The following PDGFRL variants were observed in gnomAD, a reference collection of about 807,000 sequenced individuals.
The protein encoded by PDGFRL is platelet derived growth factor receptor like.
Under a neutral mutation model 37.2 loss-of-function variants are expected in PDGFRL, and 46 were observed. The observed-to-expected ratio is 1.24, with a 90% CI of 0.98 to 1.58. The LOEUF is 1.58. PDGFRL is among the 40% of genes most tolerant of loss of function. PDGFRL has a pLI of 0.00. For synonymous variants in PDGFRL, 251 were observed against 184.3 expected, an observed-to-expected ratio of 1.36 and a Z score of -2.93; for missense variants, 692 against 467.6, an observed-to-expected ratio of 1.48 and a Z score of -4.43.
chr8:17,630,601 C>G (rs1455124744), intron 4 of PDGFRL, among the ~76,000 whole-genome samples: 2 of 152,206 alleles, frequency 1.3e-5, no homozygotes, highest in African/African-American at 4.8e-5. Context: ...AGTGCAGCAG[C>G]TCTGAGTCGG....
chr8:17,603,553 G>A (rs1023456499), intron 2 of PDGFRL, among the ~76,000 whole-genome samples: 2 of 152,158 alleles, frequency 1.3e-5, no homozygotes, highest in Non-Finnish European at 2.9e-5. Context: ...AATAGCAAAG[G>A]TACTGTTTCT....
At chr8:17,581,034 C>G (rs934428729) in intron 1 of PDGFRL, among the ~76,000 whole-genome samples, 1 of 152,072 alleles carries the variant, frequency 6.6e-6, no homozygotes, top group African/African-American at 2.4e-5. Context: ...CTCATGCTAA[C>G]TTGATTACAT....
chr8:17,596,637 G>A (rs1385932929), intron 2 of PDGFRL, among the ~76,000 whole-genome samples: 1 of 152,190 alleles, frequency 6.6e-6, no homozygotes, highest in African/African-American at 2.4e-5. Flanking sequence ...AATCTGAAGA[G>A]AAATATTCAG....
chr8:17,596,760 G>GA (rs3216300), intron 2 of PDGFRL, among the ~76,000 whole-genome samples: 21,977 of 152,118 alleles, frequency 0.14, 4,252 homozygotes, highest in African/African-American at 0.43. Flanking sequence ...GAAACATTGT[G>GA]AAAAAATGTG....
chr8:17,629,423 G>A (rs1563527945), intron 4 of PDGFRL, among the ~76,000 whole-genome samples: 1 of 152,000 alleles, frequency 6.6e-6, no homozygotes, highest in Non-Finnish European at 1.5e-5. Flanking sequence ...CATCCTCCCA[G>A]CCTCTTGGTC....
intron 5 of PDGFRL, among the ~76,000 whole-genome samples, chr8:17,641,366 G>C (rs946727457): frequency 1.3e-5 from 2 of 152,186 alleles, no homozygotes; most frequent in African/African-American, 4.8e-5. Context: ...TCTCCCTGTG[G>C]TCTTTTCCCA....
At chr8:17,637,337 G>A (rs1394834658) in intron 5 of PDGFRL, among the ~76,000 whole-genome samples, 3 of 152,132 alleles carry the variant, frequency 2.0e-5, no homozygotes, top group African/African-American at 7.2e-5. Context: ...CTGTTGAGAT[G>A]ATCATGTGAT....
chr8:17,587,628 C>T (rs1310537770), intron 1 of PDGFRL, among the ~76,000 whole-genome samples: 2 of 151,972 alleles, frequency 1.3e-5, no homozygotes, highest in Admixed American at 6.6e-5. Context: ...ATCATAAACT[C>T]GGACTTGTGG....
intron 2 of PDGFRL, 69 bp from the exon 3 acceptor site, chr8:17,620,977 GGAGCC>G: frequency 9.0e-7 from 1 of 1,108,462 alleles, no homozygotes; most frequent in Non-Finnish European, 1.3e-6. Context: ...AGAGAACAGT[GGAGCC>G]GAGTGTGACA....
At chr8:17,595,938 C>T (rs545733811) in intron 2 of PDGFRL, among the ~76,000 whole-genome samples, 3 of 152,324 alleles carry the variant, frequency 2.0e-5, no homozygotes, top group African/African-American at 7.2e-5. Context: ...CCCACCATGG[C>T]CAGGGTTCCT....
At chr8:17,625,212 C>G (rs937664383) in intron 3 of PDGFRL, among the ~76,000 whole-genome samples, 1 of 142,418 alleles carries the variant, frequency 7.0e-6, no homozygotes, top group African/African-American at 2.6e-5. Context: ...AGTGCAGTGG[C>G]ACCATCTCAG....
chr8:17,625,423 T>A (rs553091774), intron 3 of PDGFRL, among the ~76,000 whole-genome samples: 3 of 151,032 alleles, frequency 2.0e-5, no homozygotes, highest in Non-Finnish European at 4.4e-5. Flanking sequence ...GTGCCGGGAT[T>A]ACAGGCGTGA....
intron 1 of PDGFRL, among the ~76,000 whole-genome samples, chr8:17,584,209 G>C (rs1392674753): frequency 6.6e-6 from 1 of 152,146 alleles, no homozygotes; most frequent in Non-Finnish European, 1.5e-5. Context: ...GGAGGTTTTT[G>C]TCCTGAGCAA....
chr8:17,577,257 A>G lies in PDGFRL; in HGVS notation c.5A>G (p.Lys2Arg), dbSNP rs750362619. Residue 2 changes from lysine (K) to arginine (R), a missense_variant, in exon 1 of 6, where the codon AAG (lysine) becomes AGG (arginine). Lys to Arg is a conservative substitution (Grantham distance 26). Coordinates refer to ENST00000251630, the MANE Select transcript of PDGFRL (RefSeq NM_001372073.1). ...CCGAGGTCCGAGGTTCCCGAGATGA[A>G]GGTCTGGCTGCTGCTTGGTCTTCTG... The part of the protein sequence containing the change: M[K>R]VWLLLGLLLV... 6.2e-7 allele frequency: 1 copy of G among 1,612,466 alleles called. No homozygotes were observed. The highest frequency in any genetic ancestry group is 1.1e-5 in the South Asian group (1 of 90,700).
rs559949499 is a variant in PDGFRL, at chr8:17,601,517, G to C, written c.353+11752G>C. 4.6e-5 allele frequency among the ~76,000 whole-genome samples: 7 copies of C among 151,416 alleles called. No individual in the cohort carries two copies. In the East Asian group the frequency reaches 1.4e-3, roughly 29 times the overall value. ...GCGTGTATATGTGCAGGTTTGTTAC[G>C]TGGGTAAATTGCATGTCACGAGGGT... On this transcript the variant is annotated intron_variant, in intron 2 of 5. Transcript: ENST00000251630.
chr8:17,589,946 T>G (rs761574270), intron 2 of PDGFRL, among the ~76,000 whole-genome samples, 181 bp downstream of exon 2: 2 of 151,872 alleles, frequency 1.3e-5, no homozygotes, highest in Non-Finnish European at 2.9e-5. Flanking sequence ...TAATAACAAT[T>G]GCAGGCCGGG....
chr8:17,577,703 G>T (rs1201993537), intron 1 of PDGFRL, among the ~76,000 whole-genome samples: 1 of 151,752 alleles, frequency 6.6e-6, no homozygotes, highest in Non-Finnish European at 1.5e-5. Flanking sequence ...CTCTGCTGCT[G>T]AGAGCGAGTG....
chr8:17,605,192 G>A (rs1804247978), intron 2 of PDGFRL, among the ~76,000 whole-genome samples: 1 of 152,048 alleles, frequency 6.6e-6, no homozygotes, highest in South Asian at 2.1e-4. Context: ...AGAAGATGCT[G>A]AGTAATATAA....
intron 1 of PDGFRL, among the ~76,000 whole-genome samples, chr8:17,586,594 C>T (rs964323960): frequency 6.6e-6 from 1 of 152,140 alleles, no homozygotes; most frequent in Non-Finnish European, 1.5e-5. Flanking sequence ...AGACTAATAT[C>T]TGCTTTGTTT....
Sources: allele counts gnomAD v4.1 joint callset (sites outside exome capture counted in the v4.1 genomes callset), GRCh38; gene constraint gnomAD v4.1.1; transcripts MANE v1.5; gene names NCBI Gene and HGNC (gene_info 2026-07-23, HGNC 2026-07-21).